Variants in MAP3K9 observed in about 807,000 individuals in gnomAD.
The protein encoded by MAP3K9 is mitogen-activated protein kinase kinase kinase 9, also known as mixed lineage kinase 1 (tyr and ser/thr specificity).
In MAP3K9, 46 loss-of-function variants were observed where a neutral mutation model predicts 95.8. That is an observed-to-expected ratio of 0.48 (90% CI 0.38 to 0.61). The LOEUF is 0.61. MAP3K9 is among the 20% of genes least tolerant of loss of function. MAP3K9 has a pLI of 0.00. For missense variants in MAP3K9, 1,296 were observed against 1,474.3 expected (o/e 0.88, Z 1.98); for synonymous variants, 533 against 593.8 (o/e 0.90, Z 1.49).
At chr14:70,775,352 C>T (rs1236417606) in intron 2 of MAP3K9, among the ~76,000 whole-genome samples, 4 of 152,112 alleles carry the variant, frequency 2.6e-5, no homozygotes, top group Admixed American at 6.5e-5. Context: ...ATCTAGGAAG[C>T]GAAAGAGTCA....
At chr14:70,776,787 C>T (rs1451714189) in intron 2 of MAP3K9, among the ~76,000 whole-genome samples, 1 of 151,672 alleles carries the variant, frequency 6.6e-6, no homozygotes, top group East Asian at 1.9e-4. Context: ...CCTTAAGACA[C>T]TAGGCTATAA....
rs914488466 is a variant in MAP3K9 at position 70,730,046 on chromosome 14, G to A, written c.*334C>T. The A allele has an allele frequency of 2.1e-5, 6 of 281,624 alleles. No homozygotes were observed. Among genetic ancestry groups the A allele is most frequent in the South Asian group, 6.0e-5 (1 of 16,756 alleles). 17.4% of individuals were successfully genotyped at this position (281,624 alleles called of 1,614,324 possible). On this transcript the variant is annotated 3_prime_UTR_variant, in exon 12 of 12. Coordinates refer to ENST00000554752, the MANE Select transcript of MAP3K9 (RefSeq NM_001284230.2). ...CGCACACCCAACTGGCTGAGGAGAG[G>A]GAGCAGCAGACAGATTTGGCTGAGT...
intron 2 of MAP3K9, among the ~76,000 whole-genome samples, chr14:70,781,485 T>TC (rs1566759265): frequency 6.6e-6 from 1 of 152,216 alleles, no homozygotes; most frequent in Non-Finnish European, 1.5e-5. Context: ...GACCCAAGTC[T>TC]CCATGAGCTT....
intron 5 of MAP3K9, among the ~76,000 whole-genome samples, chr14:70,746,915 T>A (rs1332707938): frequency 6.6e-6 from 1 of 152,208 alleles, no homozygotes; most frequent in Non-Finnish European, 1.5e-5. Flanking sequence ...CTCTTGGGAT[T>A]CTTCTAGCTG....
At chr14:70,738,156 G>A (rs1005534852) in intron 8 of MAP3K9, 89 bp downstream of exon 8, 62 of 1,349,714 alleles carry the variant, frequency 4.6e-5, no homozygotes, top group South Asian at 1.1e-4. Context: ...TCAAACACAC[G>A]ACAGAGAAAA....
Position 70,763,443 on chromosome 14 carries a change from A to G in MAP3K9, c.821-2261T>C, listed in dbSNP as rs1167807092. ...CTGTAAACAAACCTACTGTGCAGGC[A>G]GTCGTATAACAGCATAGCATATACA... On this transcript the variant is annotated intron_variant, in intron 2 of 11. Coordinates refer to ENST00000554752, the MANE Select transcript of MAP3K9 (RefSeq NM_001284230.2). Among the ~76,000 whole-genome samples the G allele has an allele frequency of 2.6e-5, 4 of 152,324 alleles. No individual in the cohort carries two copies. In the South Asian group the frequency reaches 8.3e-4, roughly 32 times the overall value.
intron 3 of MAP3K9, among the ~76,000 whole-genome samples, chr14:70,759,481 T>C (rs373881064): frequency 1.3e-5 from 2 of 152,084 alleles, no homozygotes; most frequent in Non-Finnish European, 2.9e-5. Context: ...TGGAAATAGA[T>C]AGTGGTTGTA....
intron 3 of MAP3K9, among the ~76,000 whole-genome samples, chr14:70,755,290 C>A (rs1019796076): frequency 6.6e-6 from 1 of 152,210 alleles, no homozygotes; most frequent in African/African-American, 2.4e-5. Flanking sequence ...CCCTGCTGGG[C>A]CCTAGGCACG....
At chr14:70,779,082 C>A (rs1594800155) in intron 2 of MAP3K9, among the ~76,000 whole-genome samples, 1 of 152,160 alleles carries the variant, frequency 6.6e-6, no homozygotes, top group Admixed American at 6.5e-5. Context: ...TCCAAGAGGG[C>A]TGAGGGGCCT....
At chr14:70,794,094 G>T (rs1457146724) in intron 2 of MAP3K9, among the ~76,000 whole-genome samples, 1 of 152,210 alleles carries the variant, frequency 6.6e-6, no homozygotes, top group Non-Finnish European at 1.5e-5. Flanking sequence ...ACTGCGGAAG[G>T]GTTGGACAGG....
At chr14:70,745,223 A>G (rs1018032827) in intron 5 of MAP3K9, among the ~76,000 whole-genome samples, 1 of 152,186 alleles carries the variant, frequency 6.6e-6, no homozygotes, top group Non-Finnish European at 1.5e-5. Flanking sequence ...TTCTTAATGA[A>G]ATACTCACTA....
chr14:70,795,148 C>A (rs2054850401), intron 2 of MAP3K9, among the ~76,000 whole-genome samples: 8 of 151,632 alleles, frequency 5.3e-5, no homozygotes, highest in Non-Finnish European at 1.5e-5. Context: ...CGCATGCCAC[C>A]ACGTTCGGCT....
intron 2 of MAP3K9, among the ~76,000 whole-genome samples, chr14:70,793,199 C>G (rs1043388609): frequency 5.3e-5 from 8 of 152,330 alleles, no homozygotes; most frequent in Middle Eastern, 3.4e-3. Context: ...CAACTGGCTA[C>G]AGTGGAGACG....
intron 3 of MAP3K9, among the ~76,000 whole-genome samples, chr14:70,754,477 C>T (rs989022702): frequency 2.0e-5 from 3 of 152,034 alleles, no homozygotes; most frequent in African/African-American, 4.8e-5. Context: ...AAACGTTTTG[C>T]TATTGTAATT....
intron 5 of MAP3K9, among the ~76,000 whole-genome samples, chr14:70,745,784 A>G (rs2054138804): frequency 6.6e-6 from 1 of 152,150 alleles, no homozygotes; most frequent in African/African-American, 2.4e-5. Context: ...GAATTAGCAC[A>G]TTGAAAAGTG....
rs187630144 is a variant in MAP3K9 at position 70,775,409 on chromosome 14, T to C, written c.821-14227A>G. Among the ~76,000 whole-genome samples, 19 of 152,336 alleles carry C rather than the reference T, an allele frequency of 1.2e-4. No homozygotes were observed. In the East Asian group the frequency reaches 3.5e-3, roughly 28 times the overall value. On this transcript the variant is annotated intron_variant, in intron 2 of 11. Transcript: ENST00000554752. ...TTCTAGGCCTATGCTCCTTTCACTATACCCTGCTGCCCCCTCCATTTGGGG... is the reference window on the plus strand; with the variant it reads ...TTCTAGGCCTATGCTCCTTTCACTACACCCTGCTGCCCCCTCCATTTGGGG...
intron 4 of MAP3K9, 200 bp downstream of exon 4, chr14:70,749,732 TC>T: frequency 1.7e-6 from 1 of 574,218 alleles, no homozygotes; most frequent in Non-Finnish European, 3.1e-6. Context: ...ACTTCTACAG[TC>T]CCTGGAGATA....
At chr14:70,790,966 T>C (rs575174825) in intron 2 of MAP3K9, among the ~76,000 whole-genome samples, 1 of 152,308 alleles carries the variant, frequency 6.6e-6, no homozygotes, top group African/African-American at 2.4e-5. Flanking sequence ...GGCTCTTCTC[T>C]CATCTCCTCA....
At position 70,808,778 on chromosome 14, in the gene MAP3K9, G is replaced by C; in HGVS notation, c.394C>G (p.Pro132Ala). 1.3e-6 allele frequency: 2 copies of C among 1,575,476 alleles called. No individual in the cohort carries two copies. Among genetic ancestry groups the C allele is most frequent in the Non-Finnish European group, 1.7e-6 (2 of 1,164,438 alleles). The stretch of plus-strand genomic sequence containing the variant: ...GCCTTCGCCTTACACTGAATGGGCG[G>C]GTAGCAACTGGGGTCCTCGCCGCCG... ...QPGGEDPSCYPPIQLLEIDFA... is the reference protein window; with the variant it reads ...QPGGEDPSCYAPIQLLEIDFA... Residue 132 changes from proline (P) to alanine (A), a missense_variant, in exon 1 of 12, where the codon CCG (proline) becomes GCG (alanine). This residue lies in a region of MAP3K9 where 338 missense variants were observed against 363.4 expected (regional missense o/e 0.93). Coordinates refer to ENST00000554752, the MANE Select transcript of MAP3K9 (RefSeq NM_001284230.2).
Sources: allele counts gnomAD v4.1 joint callset (sites outside exome capture counted in the v4.1 genomes callset), GRCh38; gene constraint gnomAD v4.1.1; regional missense constraint gnomAD v4.1.1; transcripts MANE v1.5; gene names NCBI Gene and HGNC (gene_info 2026-07-23, HGNC 2026-07-21).